Variants in MYCBP observed in about 807,000 individuals in gnomAD.
MYCBP encodes MYC binding protein.
In MYCBP, 5 loss-of-function variants were observed where a neutral mutation model predicts 16.8. The observed-to-expected ratio is 0.30, with a 90% CI of 0.16 to 0.63. The LOEUF is 0.63. Among genes scored for constraint, MYCBP ranks in the 20% least tolerant of loss-of-function variants. MYCBP has a pLI of 0.83. For synonymous variants in MYCBP, 35 were observed against 43.7 expected (o/e 0.80, Z 0.79); for missense variants, 103 against 121.8 (o/e 0.85, Z 0.73).
At position 38,862,683 on chromosome 1, in the gene MYCBP, A is replaced by C. The variant is rs1335033660; in HGVS notation, c.*1987T>G. Among the ~76,000 whole-genome samples, 1 of 152,208 alleles carries C rather than the reference A, an allele frequency of 6.6e-6. No individual in the cohort carries two copies. The highest frequency in any genetic ancestry group is 2.1e-4 in the South Asian group (1 of 4,834). ...CAAATCCTTGACAGAAATGTTGAAG[A>C]GGACCTCTAGAGGCTAAGCTTATCC... is the stretch of plus-strand genomic sequence containing the variant. On this transcript the variant is annotated 3_prime_UTR_variant, in exon 5 of 5. Coordinates refer to ENST00000397572, the MANE Select transcript of MYCBP (RefSeq NM_012333.5).
In MYCBP at chr1:38,862,548, G is replaced by C. The variant is rs750773886; in HGVS notation, c.*2122C>G. On this transcript the variant is annotated 3_prime_UTR_variant, in exon 5 of 5. Transcript: ENST00000397572. ...TACAACCAACTTGTGAGATAGGCAA[G>C]ATGTGAAGTCGATATTTTATAGACA... Among the ~76,000 whole-genome samples, 3 of 152,208 alleles carry C rather than the reference G, an allele frequency of 2.0e-5. No individual in the cohort carries two copies. The highest frequency in any genetic ancestry group is 4.4e-5 in the Non-Finnish European group (3 of 68,032).
intron 4 of MYCBP, 146 bp from the exon 5 acceptor site, chr1:38,864,860 T>C (rs1642305116): frequency 4.2e-6 from 3 of 722,024 alleles, no homozygotes; most frequent in Non-Finnish European, 7.0e-6. Flanking sequence ...TTTTAAATCA[T>C]TCAGTGATTT....
chr1:38,864,662 G>A lies in MYCBP; in HGVS notation c.*8C>T. 6.2e-7 allele frequency: 1 copy of A among 1,613,796 alleles called. No individual in the cohort carries two copies. The highest frequency in any genetic ancestry group is 1.1e-5 in the South Asian group (1 of 91,076). ...CATTTTTCATTGTCTTTCAAACTGA[G>A]AAGAATCCTATTCAGCACGCTTCTC... On this transcript the variant is annotated 3_prime_UTR_variant, in exon 5 of 5. Coordinates refer to ENST00000397572, the MANE Select transcript of MYCBP (RefSeq NM_012333.5).
intron 3 of MYCBP, among the ~76,000 whole-genome samples, chr1:38,867,342 A>G (rs1302414541): frequency 6.6e-6 from 1 of 151,802 alleles, no homozygotes; most frequent in Non-Finnish European, 1.5e-5. Flanking sequence ...GCTACTTGGG[A>G]GACGTGAGGC....
Position 38,867,499 on chromosome 1 carries a change from T to A in MYCBP, c.137+63A>T, listed in dbSNP as rs951783757. The A allele has an allele frequency of 1.7e-5, 23 of 1,320,562 alleles. 1 individual carries two copies. The highest frequency in any genetic ancestry group is 2.2e-5 in the Non-Finnish European group (21 of 937,266). The allele number at this position is 1,320,562 out of a possible 1,614,324, so 81.8% of individuals were successfully genotyped here. ...TCAATATTCAGAAGTATTTTAAAGGTTATTATCTATCTAAAAAAATAAGAG... is the reference window on the plus strand; with the variant it reads ...TCAATATTCAGAAGTATTTTAAAGGATATTATCTATCTAAAAAAATAAGAG... On this transcript the variant is annotated intron_variant, in intron 3 of 4. Transcript: ENST00000397572.
Position 38,864,704 on chromosome 1 carries a change from T to C in MYCBP, c.278A>G (p.Tyr93Cys), listed in dbSNP as rs1323092668. ...ACGCTTCTCCTCCTGAGGTGGTTCATACTGAGCAAGCTATGGGGCAAAGAC... is the reference window on the plus strand; with the variant it reads ...ACGCTTCTCCTCCTGAGGTGGTTCACACTGAGCAAGCTATGGGGCAAAGAC... ...NKKLKAKLAQYEPPQEEKRAE is the reference protein window; with the variant it reads ...NKKLKAKLAQCEPPQEEKRAE The change falls in exon 5 of 5, where the codon TAT becomes TGT. Residue 93 changes from tyrosine (Y) to cysteine (C), a missense_variant. By Grantham distance (194) the Tyr-to-Cys change is radical (BLOSUM62 -2). Coordinates refer to ENST00000397572, the MANE Select transcript of MYCBP (RefSeq NM_012333.5). 6.2e-7 allele frequency: 1 copy of C among 1,613,800 alleles called. No homozygotes were observed. The highest frequency in any genetic ancestry group is 8.5e-7 in the Non-Finnish European group (1 of 1,179,860).
intron 2 of MYCBP, among the ~76,000 whole-genome samples, chr1:38,869,276 C>T (rs1030752806): frequency 5.9e-5 from 9 of 151,884 alleles, no homozygotes; most frequent in Admixed American, 3.9e-4. Context: ...TTAGTAGAGA[C>T]GGGGTTTCTC....
intron 2 of MYCBP, among the ~76,000 whole-genome samples, chr1:38,871,993 G>T (rs953214180): frequency 6.6e-6 from 1 of 152,184 alleles, no homozygotes; most frequent in Non-Finnish European, 1.5e-5. Context: ...CTTTCACAGA[G>T]TAGTCCCTTA....
At chr1:38,867,133 C>A in intron 3 of MYCBP, 124 bp from the exon 4 acceptor site, 1 of 943,160 alleles carries the variant, frequency 1.1e-6, no homozygotes, top group Non-Finnish European at 1.6e-6. Flanking sequence ...CAGAGATCAC[C>A]ATCCAAAAAC....
In MYCBP at chr1:38,867,175, G is replaced by A. The variant is rs367679547; in HGVS notation, c.138-166C>T. ...GAAACTAACTTTCTTGGCCAGGTGC[G>A]GTTGCTCACGCCTGTAATCCCAGCA... On this transcript the variant is annotated intron_variant, in intron 3 of 4. Transcript: ENST00000397572. Among the ~76,000 whole-genome samples the A allele has an allele frequency of 3.3e-5, 5 of 152,258 alleles. 1 individual carries two copies. In the East Asian group the frequency reaches 5.8e-4, roughly 18 times the overall value.
chr1:38,863,312 G>C lies in MYCBP; in HGVS notation c.*1358C>G, dbSNP rs546284217. On this transcript the variant is annotated 3_prime_UTR_variant, in exon 5 of 5. Transcript: ENST00000397572. ...TTTGCTAGTTAAACCAGTTTTCATT[G>C]GATCATTTTGTTTTCTATGTGTGTT... 6.6e-6 allele frequency: 1 copy of C among 152,184 alleles called. No homozygotes were observed. The highest frequency in any genetic ancestry group is 2.1e-4 in the South Asian group (1 of 4,806). The allele number at this position is 152,184 out of a possible 1,614,324, so 9.4% of individuals were successfully genotyped here.
intron 4 of MYCBP, among the ~76,000 whole-genome samples, chr1:38,865,589 G>C (rs867323101): frequency 6.6e-6 from 1 of 152,278 alleles, no homozygotes; most frequent in South Asian, 2.1e-4. Flanking sequence ...GAACGTTTGA[G>C]TCATGAGTTT....
At chr1:38,869,135 C>G (rs1191736753) in intron 2 of MYCBP, among the ~76,000 whole-genome samples, 1 of 147,114 alleles carries the variant, frequency 6.8e-6, no homozygotes, top group Non-Finnish European at 1.5e-5. Context: ...GTTGCCCAGG[C>G]TGGAGTGCAA....
chr1:38,873,220 C>A, intron 1 of MYCBP, 71 bp downstream of exon 1: 2 of 1,582,040 alleles, frequency 1.3e-6, no homozygotes, highest in Non-Finnish European at 1.7e-6. Flanking sequence ...CGCGCGACCC[C>A]ACTCCCACCC....
rs1642300554 is a variant in MYCBP at position 38,864,637 on chromosome 1, CATTT to C, written c.*29_*32del. On this transcript the variant is annotated 3_prime_UTR_variant, in exon 5 of 5. Transcript: ENST00000397572. ...ACAAACTATTCAAGTCATACAAAACCATTTTTCATTGTCTTTCAAACTGAGAAGA... is the reference window on the plus strand; with the variant it reads ...ACAAACTATTCAAGTCATACAAAACCTTCATTGTCTTTCAAACTGAGAAGA... 1.9e-6 allele frequency: 3 copies of C among 1,610,664 alleles called. No individual in the cohort carries two copies.
intron 2 of MYCBP, among the ~76,000 whole-genome samples, chr1:38,868,672 A>C (rs772163714): frequency 6.6e-6 from 1 of 152,146 alleles, no homozygotes; most frequent in Non-Finnish European, 1.5e-5. Flanking sequence ...TTGGGAGGCC[A>C]AGGCGGGCAG....
intron 1 of MYCBP, 63 bp downstream of exon 1, chr1:38,873,228 C>T: frequency 6.3e-7 from 1 of 1,587,576 alleles, no homozygotes; most frequent in Non-Finnish European, 8.5e-7. Flanking sequence ...CCCACTCCCA[C>T]CCAGAGCCGA....
At chr1:38,872,842 C>G (rs1237518648) in intron 2 of MYCBP, among the ~76,000 whole-genome samples, 176 bp downstream of exon 2, 2 of 152,254 alleles carry the variant, frequency 1.3e-5, no homozygotes, top group African/African-American at 4.8e-5. Flanking sequence ...TAGGCTACCC[C>G]ACCCGGGCGG....
In MYCBP at chr1:38,873,186, G is replaced by A. The variant is rs565712875; in HGVS notation, c.16-96C>T. 5.8e-6 allele frequency: 9 copies of A among 1,558,664 alleles called. No homozygotes were observed. In the South Asian group the frequency reaches 5.8e-5, roughly 10 times the overall value. ...AACCCCGCCTCCGCCTCACTACCTC[G>A]GGGCCCTCCCGCCCAAACCTGCGCG... On this transcript the variant is annotated intron_variant, in intron 1 of 4. Transcript: ENST00000397572.
Sources: gnomAD v4.1 joint callset for allele counts (sites outside exome capture counted in the v4.1 genomes callset) on GRCh38, gnomAD v4.1.1 for gene constraint, MANE v1.5 for transcripts, NCBI Gene and HGNC (gene_info 2026-07-23, HGNC 2026-07-21) for gene names.